Variants in SP140L observed in about 807,000 individuals in gnomAD.
SP140L encodes the protein SP140 like nuclear body protein, also known as nuclear body protein SP140-like protein.
A neutral mutation model predicts 84.3 loss-of-function variants in SP140L; 64 were observed. That is an observed-to-expected ratio of 0.76 (90% CI 0.62 to 0.94). The LOEUF (loss-of-function observed/expected upper bound fraction) is 0.94. Ranked by LOEUF, SP140L falls within the 40% of genes least tolerant of loss-of-function variation. SP140L has a pLI of 0.00. For missense variants in SP140L, 628 were observed against 692.5 expected (o/e 0.91, Z 1.05); for synonymous variants, 242 against 236.9 (o/e 1.02, Z -0.20).
intron 18 of SP140L, among the ~76,000 whole-genome samples, chr2:230,402,320 C>T (rs1425621589): frequency 2.6e-5 from 4 of 152,202 alleles, no homozygotes; most frequent in South Asian, 2.1e-4. Flanking sequence ...TTCTAACCCA[C>T]TGAAATAAGC....
At position 230,353,325 on chromosome 2, in the gene SP140L, G is replaced by A. The variant is rs545592286; in HGVS notation, c.108-4480G>A. On this transcript the variant is annotated intron_variant, in intron 2 of 18. Coordinates refer to ENST00000415673, the MANE Select transcript of SP140L (RefSeq NM_138402.6). The stretch of plus-strand genomic sequence containing the variant: ...ATTGTAACTTTTTGAGACTTCTTTC[G>A]TGGCCAAGATTATGCTAAATATTGA... 2.2e-4 allele frequency among the ~76,000 whole-genome samples: 33 copies of A among 151,802 alleles called. 1 individual carries two copies. The highest frequency in any genetic ancestry group is 2.1e-3 in the South Asian group (10 of 4,812).
intron 2 of SP140L, among the ~76,000 whole-genome samples, chr2:230,345,871 A>T (rs1462699125): frequency 6.6e-6 from 1 of 152,096 alleles, no homozygotes; most frequent in Non-Finnish European, 1.5e-5. Flanking sequence ...TAAATGTTTG[A>T]TTTTTAATTT....
At chr2:230,380,268 C>T (rs906140680) in intron 7 of SP140L, among the ~76,000 whole-genome samples, 1 of 152,072 alleles carries the variant, frequency 6.6e-6, no homozygotes, top group African/African-American at 2.4e-5. Context: ...GGAAACTGCC[C>T]CCCGATTCAA....
At chr2:230,344,765 T>C (rs1380150270) in intron 2 of SP140L, among the ~76,000 whole-genome samples, 1 of 152,332 alleles carries the variant, frequency 6.6e-6, no homozygotes, top group East Asian at 1.9e-4. Flanking sequence ...CTTTGACCTA[T>C]TGGATATTCA....
chr2:230,354,879 AAG>A (rs1491542362), intron 2 of SP140L, among the ~76,000 whole-genome samples: 2 of 141,160 alleles, frequency 1.4e-5, no homozygotes, highest in Non-Finnish European at 3.0e-5. Context: ...GAAAGAAAGA[AAG>A]AAAGAAAGAA....
chr2:230,363,358 T>G (rs1273835542), intron 5 of SP140L, among the ~76,000 whole-genome samples: 2 of 152,234 alleles, frequency 1.3e-5, no homozygotes, highest in Non-Finnish European at 2.9e-5. Context: ...ATAGCCATTC[T>G]AACCTGTATG....
intron 14 of SP140L, among the ~76,000 whole-genome samples, chr2:230,397,999 T>C (rs1358659704): frequency 6.6e-6 from 1 of 152,218 alleles, no homozygotes; most frequent in African/African-American, 2.4e-5. Flanking sequence ...AGAACATTGA[T>C]TTATAATATC....
At position 230,350,742 on chromosome 2, in the gene SP140L, G is replaced by A. The variant is rs1575458693; in HGVS notation, c.108-7063G>A. 7.9e-5 allele frequency among the ~76,000 whole-genome samples: 12 copies of A among 152,266 alleles called. 1 individual carries two copies. In the South Asian group the frequency reaches 2.5e-3, roughly 32 times the overall value. ...AGGCAGATGAGGGGATTGGGAGTAT[G>A]GGGGCAGGATGGGGGATTGTGGTTG... On this transcript the variant is annotated intron_variant, in intron 2 of 18. Coordinates refer to ENST00000415673, the MANE Select transcript of SP140L (RefSeq NM_138402.6).
chr2:230,352,734 A>C (rs903194736), intron 2 of SP140L, among the ~76,000 whole-genome samples: 2 of 152,026 alleles, frequency 1.3e-5, no homozygotes, highest in Admixed American at 1.3e-4. Flanking sequence ...ACCTTATTTT[A>C]GTATTTATAC....
chr2:230,359,980 A>ACTAAAGTTTGGTATTGGTGCTATACCAAT (rs2149736691), intron 4 of SP140L, among the ~76,000 whole-genome samples: 1 of 146,912 alleles, frequency 6.8e-6, no homozygotes, highest in South Asian at 2.1e-4. Flanking sequence ...GCTATACCAA[A>ACTAAAGTTTGGTATTGGTGCTATACCAAT]CTAAAGTTTT....
intron 2 of SP140L, among the ~76,000 whole-genome samples, chr2:230,347,459 G>A (rs1261132843): frequency 1.3e-5 from 2 of 152,066 alleles, no homozygotes; most frequent in Non-Finnish European, 2.9e-5. Context: ...TGCAAGCTGG[G>A]CTCCTCTGTC....
chr2:230,327,635 A>G (rs529924951), intron 1 of SP140L, among the ~76,000 whole-genome samples: 44 of 152,184 alleles, frequency 2.9e-4, no homozygotes, highest in African/African-American at 9.6e-4. Context: ...GAGGAACACA[A>G]ATTATATGTT....
intron 8 of SP140L, among the ~76,000 whole-genome samples, chr2:230,383,944 T>A (rs1208072218): frequency 6.6e-6 from 1 of 152,148 alleles, no homozygotes; most frequent in Non-Finnish European, 1.5e-5. Flanking sequence ...TACATATATA[T>A]AACCATATTT....
At chr2:230,393,178 C>T (rs1179544156) in intron 12 of SP140L, among the ~76,000 whole-genome samples, 2 of 152,068 alleles carry the variant, frequency 1.3e-5, no homozygotes. Flanking sequence ...CCTCTTAGGA[C>T]TTAGGAAAGA....
chr2:230,344,822 G>C (rs1490995757), intron 2 of SP140L, among the ~76,000 whole-genome samples: 1 of 152,142 alleles, frequency 6.6e-6, no homozygotes, highest in Non-Finnish European at 1.5e-5. Context: ...ATACCTTACA[G>C]AATTTATGAA....
intron 7 of SP140L, among the ~76,000 whole-genome samples, chr2:230,380,267 C>T (rs1177745583): frequency 2.0e-5 from 3 of 152,044 alleles, no homozygotes; most frequent in Admixed American, 6.5e-5. Flanking sequence ...GGGAAACTGC[C>T]CCCCGATTCA....
intron 7 of SP140L, chr2:230,371,939 G>A (rs951534039): frequency 3.0e-5 from 10 of 338,910 alleles, no homozygotes; most frequent in African/African-American, 2.1e-4. Flanking sequence ...TTTAAAGAGT[G>A]GAGAACTTTT....
intron 10 of SP140L, among the ~76,000 whole-genome samples, chr2:230,389,315 T>C (rs1286987179): frequency 6.6e-6 from 1 of 152,142 alleles, no homozygotes; most frequent in East Asian, 1.9e-4. Context: ...ACTTCTGTAG[T>C]ATCCGGTTCT....
chr2:230,393,717 T>A (rs572414655), intron 13 of SP140L, among the ~76,000 whole-genome samples: 10 of 152,328 alleles, frequency 6.6e-5, no homozygotes, highest in Admixed American at 2.0e-4. Flanking sequence ...ACCTCCTGAA[T>A]GTGTTTCAGC....
Sources: allele counts gnomAD v4.1 joint callset (sites outside exome capture counted in the v4.1 genomes callset), GRCh38; gene constraint gnomAD v4.1.1; transcripts MANE v1.5; gene names NCBI Gene and HGNC (gene_info 2026-07-23, HGNC 2026-07-21).